CUX1: variants seen among roughly 807,000 people sequenced by gnomAD.
CUX1 encodes the protein protein CASP.
In CUX1, 31 loss-of-function variants were observed where a neutral mutation model predicts 158.8. The ratio of observed to expected loss-of-function variants is 0.20; its 90% CI spans 0.15 to 0.26. The LOEUF (loss-of-function observed/expected upper bound fraction) is 0.26, where lower values mean the gene tolerates loss of function less well. Among genes scored for constraint, CUX1 ranks in the 10% least tolerant of loss-of-function variants. The pLI is 1.00. For synonymous variants in CUX1, 879 were observed against 862.1 expected, an observed-to-expected ratio of 1.02 and a Z score of -0.34; for missense variants, 1,589 against 2,014.6, an observed-to-expected ratio of 0.79 and a Z score of 4.04.
chr7:101,859,976 TTCCC>T (rs535948948), intron 1 of CUX1, among the ~76,000 whole-genome samples: 110 of 151,188 alleles, frequency 7.3e-4, no homozygotes, highest in African/African-American at 2.6e-3. Flanking sequence ...TTCTTTTTCC[TTCCC>T]TCCCTCCCTC....
intron 11 of CUX1, among the ~76,000 whole-genome samples, chr7:102,184,028 G>C (rs1446546656): frequency 2.0e-5 from 3 of 152,044 alleles, no homozygotes; most frequent in African/African-American, 7.2e-5. Context: ...CTCCCAAGTA[G>C]TCGGGACTAC....
At chr7:101,969,618 C>CT (rs1811692208) in intron 2 of CUX1, among the ~76,000 whole-genome samples, 1 of 152,126 alleles carries the variant, frequency 6.6e-6, no homozygotes, top group African/African-American at 2.4e-5. Context: ...TCGAAGGGAA[C>CT]TTAAGATGTA....
intron 8 of CUX1, among the ~76,000 whole-genome samples, chr7:102,132,706 G>C (rs1833449485): frequency 1.7e-5 from 2 of 118,742 alleles, no homozygotes; most frequent in African/African-American, 6.8e-5. Context: ...TTTTGAGACA[G>C]GGTCTCGCTC....
chr7:102,062,612 G>C (rs1825023271), intron 3 of CUX1, among the ~76,000 whole-genome samples: 2 of 152,086 alleles, frequency 1.3e-5, no homozygotes, highest in South Asian at 4.1e-4. Context: ...CTGAGCTCAA[G>C]GGATCCTCCC....
chr7:101,933,497 T>C (rs1300697191), intron 2 of CUX1, among the ~76,000 whole-genome samples: 1 of 152,240 alleles, frequency 6.6e-6, no homozygotes, highest in Non-Finnish European at 1.5e-5. Flanking sequence ...TTAATGGAGA[T>C]TAAGATTTCT....
chr7:101,945,150 G>C (rs573861167), intron 2 of CUX1, among the ~76,000 whole-genome samples: 1 of 152,124 alleles, frequency 6.6e-6, no homozygotes, highest in Admixed American at 6.5e-5. Context: ...TGGGAGTCAG[G>C]GGTGGATGAG....
chr7:101,895,908 G>GTTTTTTTTT (rs869038068), intron 1 of CUX1, among the ~76,000 whole-genome samples: 1 of 93,998 alleles, frequency 1.1e-5, no homozygotes, highest in Non-Finnish European at 2.2e-5. Context: ...TTTTGTTTTT[G>GTTTTTTTTT]TTTTTTTTTT....
intron 3 of CUX1, among the ~76,000 whole-genome samples, chr7:102,064,086 C>T (rs1195276781): frequency 2.6e-5 from 4 of 152,170 alleles, no homozygotes; most frequent in Admixed American, 6.5e-5. Context: ...GAGTGTGAGG[C>T]ATGGCAGGAG....
intron 1 of CUX1, among the ~76,000 whole-genome samples, chr7:101,904,720 C>G (rs1488893331): frequency 6.6e-6 from 1 of 152,042 alleles, no homozygotes; most frequent in Non-Finnish European, 1.5e-5. Context: ...AGGCGCCCAC[C>G]ACCACACCCA....
intron 1 of CUX1, among the ~76,000 whole-genome samples, chr7:101,874,939 C>G (rs570661716): frequency 1.3e-5 from 2 of 152,174 alleles, no homozygotes; most frequent in African/African-American, 4.8e-5. Flanking sequence ...GGACAGACAC[C>G]GCTGCTGTTA....
intron 1 of CUX1, among the ~76,000 whole-genome samples, chr7:101,855,877 CAAAAA>C (rs10654821): frequency 9.0e-6 from 1 of 111,008 alleles, no homozygotes; most frequent in African/African-American, 3.6e-5. Context: ...GTTTCCAGCT[CAAAAA>C]AAAAAAAAAA....
rs535679348 is a variant in CUX1, at chr7:102,024,759, G to A, written c.142-3339G>A. ...GTAATCTTCCCCCATCATTCTTTAC[G>A]CCTTCCACACTCTTTTCCCTTGTTA... is the stretch of plus-strand genomic sequence containing the variant. On this transcript the variant is annotated intron_variant, in intron 2 of 23. Transcript: ENST00000292535. 2.3e-4 allele frequency among the ~76,000 whole-genome samples: 35 copies of A among 151,888 alleles called. 1 individual carries two copies. Among genetic ancestry groups the A allele is most frequent in the Non-Finnish European group, 5.0e-4 (34 of 68,002 alleles).
At chr7:102,090,667 G>A (rs1422559499) in intron 4 of CUX1, among the ~76,000 whole-genome samples, 4 of 148,736 alleles carry the variant, frequency 2.7e-5, no homozygotes, top group South Asian at 2.1e-4. Flanking sequence ...GATTACAGGC[G>A]TGAGCCACCG....
intron 1 of CUX1, among the ~76,000 whole-genome samples, chr7:101,853,599 G>C (rs888802481): frequency 2.0e-5 from 3 of 151,830 alleles, no homozygotes; most frequent in Non-Finnish European, 4.4e-5. Flanking sequence ...GTGTGTGTGT[G>C]TGTGTGTGTG....
At chr7:102,171,256 TG>T (rs1431005492) in intron 10 of CUX1, among the ~76,000 whole-genome samples, 1 of 152,116 alleles carries the variant, frequency 6.6e-6, no homozygotes, top group East Asian at 1.9e-4. Context: ...AGTCTGGTGA[TG>T]GGGACAAAGG....
chr7:102,010,780 T>C (rs1817911120), intron 2 of CUX1, among the ~76,000 whole-genome samples: 1 of 152,240 alleles, frequency 6.6e-6, no homozygotes, highest in Admixed American at 6.5e-5. Flanking sequence ...TTGTGCTTTG[T>C]GTCTAAGCTG....
intron 11 of CUX1, among the ~76,000 whole-genome samples, chr7:102,183,013 C>T (rs1793263164): frequency 6.6e-6 from 1 of 152,146 alleles, no homozygotes; most frequent in Non-Finnish European, 1.5e-5. Context: ...TTCTCTTTCC[C>T]CACTCCTGAG....
At chr7:102,167,291 GAAAA>G (rs1791157521) in intron 9 of CUX1, among the ~76,000 whole-genome samples, 1 of 151,262 alleles carries the variant, frequency 6.6e-6, no homozygotes, top group South Asian at 2.1e-4. Context: ...GAAAAGAAAA[GAAAA>G]AGAAAGAAAT....
At chr7:101,846,239 C>T (rs577371017) in intron 1 of CUX1, among the ~76,000 whole-genome samples, 188 of 152,308 alleles carry the variant, frequency 1.2e-3, no homozygotes, top group Non-Finnish European at 1.9e-3. Context: ...ATAGATGGCC[C>T]AGCTGCCAGG....
Sources: gnomAD v4.1 joint callset for allele counts (sites outside exome capture counted in the v4.1 genomes callset) on GRCh38, gnomAD v4.1.1 for gene constraint, MANE v1.5 for transcripts, NCBI Gene and HGNC (gene_info 2026-07-23, HGNC 2026-07-21) for gene names.